The following GRIK4 variants were observed in gnomAD, a reference collection of about 807,000 sequenced individuals.
GRIK4 encodes glutamate ionotropic receptor kainate type subunit 4.
GRIK4 carries 40 observed loss-of-function variants against 104.9 expected under a neutral mutation model. That is an observed-to-expected ratio of 0.38 (90% CI 0.30 to 0.50). The LOEUF is 0.50. GRIK4 is among the 20% of genes least tolerant of loss of function. GRIK4 has a pLI of 0.93. For missense variants in GRIK4, 1,047 were observed against 1,308.1 expected, an observed-to-expected ratio of 0.80 and a Z score of 3.08; for synonymous variants, 485 against 524.9, an observed-to-expected ratio of 0.92 and a Z score of 1.04.
At chr11:120,871,733 T>C (rs1056513391) in intron 9 of GRIK4, 44 of 455,518 alleles carry the variant, frequency 9.7e-5, no homozygotes, top group Admixed American at 9.4e-4. Context: ...TGCCAGATGG[T>C]AGTGGCTGAA....
chr11:120,572,824 TC>T (rs1301055593), intron 1 of GRIK4, among the ~76,000 whole-genome samples: 1 of 152,130 alleles, frequency 6.6e-6, no homozygotes, highest in African/African-American at 2.4e-5. Context: ...TTTCCGCTGT[TC>T]CCTTCTTCTG....
chr11:120,851,380 CCT>C (rs1380807996), intron 8 of GRIK4, among the ~76,000 whole-genome samples: 1 of 152,200 alleles, frequency 6.6e-6, no homozygotes, highest in Non-Finnish European at 1.5e-5. Flanking sequence ...CTGGCTGACT[CCT>C]GCTCAGCTTT....
At chr11:120,844,295 C>T (rs905653537) in intron 8 of GRIK4, among the ~76,000 whole-genome samples, 9 of 152,182 alleles carry the variant, frequency 5.9e-5, no homozygotes, top group African/African-American at 1.9e-4. Flanking sequence ...TCCCCTGACA[C>T]CCCGCAAGGT....
chr11:120,607,967 C>T (rs11600894), intron 1 of GRIK4, among the ~76,000 whole-genome samples: 55,328 of 151,758 alleles, frequency 0.36, 10,245 homozygotes, highest in African/African-American at 0.39. Flanking sequence ...CAGTGGCTGC[C>T]GAGAGGAGTC....
At chr11:120,976,288 C>T (rs930563021) in intron 19 of GRIK4, among the ~76,000 whole-genome samples, 2 of 152,226 alleles carry the variant, frequency 1.3e-5, no homozygotes, top group East Asian at 3.8e-4. Context: ...CCTCTCCCAT[C>T]CCTCTTCTAG....
intron 1 of GRIK4, among the ~76,000 whole-genome samples, chr11:120,548,740 G>A (rs1157412009): frequency 6.6e-6 from 1 of 152,160 alleles, no homozygotes; most frequent in Admixed American, 6.5e-5. Context: ...ACATCTGTCT[G>A]TGGGGCTGCC....
intron 1 of GRIK4, among the ~76,000 whole-genome samples, chr11:120,651,740 C>T (rs77426501): frequency 2.2e-3 from 335 of 152,302 alleles, no homozygotes; most frequent in African/African-American, 7.7e-3. Context: ...CTGGGAGCAT[C>T]TCCTCATGGG....
At chr11:120,519,488 A>C (rs965935254) in intron 1 of GRIK4, among the ~76,000 whole-genome samples, 1 of 152,194 alleles carries the variant, frequency 6.6e-6, no homozygotes, top group African/African-American at 2.4e-5. Flanking sequence ...CTCACCCGAC[A>C]CTGAATCTGC....
chr11:120,945,012 A>G (rs1182589613), intron 14 of GRIK4, among the ~76,000 whole-genome samples: 3 of 151,470 alleles, frequency 2.0e-5, no homozygotes, highest in Non-Finnish European at 4.4e-5. Flanking sequence ...AAAAAAAAAG[A>G]CAAATGTAAT....
intron 11 of GRIK4, among the ~76,000 whole-genome samples, chr11:120,895,017 C>T (rs1490289905): frequency 2.0e-5 from 3 of 152,116 alleles, no homozygotes; most frequent in Non-Finnish European, 2.9e-5. Flanking sequence ...CATTTCCTGA[C>T]TGGAGCTTGG....
At chr11:120,534,862 C>T (rs1947957129) in intron 1 of GRIK4, among the ~76,000 whole-genome samples, 1 of 152,178 alleles carries the variant, frequency 6.6e-6, no homozygotes, top group African/African-American at 2.4e-5. Context: ...ATGGGGGACA[C>T]TCAGCAGGGA....
At chr11:120,983,570 T>C (rs1436935410) in intron 20 of GRIK4, among the ~76,000 whole-genome samples, 2 of 152,244 alleles carry the variant, frequency 1.3e-5, no homozygotes, top group Non-Finnish European at 2.9e-5. Context: ...TCCCCTCCTG[T>C]TGCTGTCTCC....
At chr11:120,974,146 G>T (rs1944522943) in intron 19 of GRIK4, among the ~76,000 whole-genome samples, 1 of 152,122 alleles carries the variant, frequency 6.6e-6, no homozygotes, top group African/African-American at 2.4e-5. Flanking sequence ...GACCTCAAGT[G>T]ATCTGCCCCC....
At chr11:120,855,499 A>G (rs993330937) in intron 8 of GRIK4, among the ~76,000 whole-genome samples, 5 of 151,836 alleles carry the variant, frequency 3.3e-5, no homozygotes, top group Non-Finnish European at 7.4e-5. Flanking sequence ...AAGATCTGGA[A>G]CTTCAACTAA....
chr11:120,585,725 G>T (rs200315569), intron 1 of GRIK4, among the ~76,000 whole-genome samples: 26 of 141,948 alleles, frequency 1.8e-4, no homozygotes, highest in Admixed American at 2.1e-4. Flanking sequence ...TTTTGTTTTT[G>T]TTTTTTTTTT....
chr11:120,681,220 G>A (rs1011562848), intron 3 of GRIK4, among the ~76,000 whole-genome samples: 1 of 152,302 alleles, frequency 6.6e-6, no homozygotes, highest in Non-Finnish European at 1.5e-5. Context: ...GAGGGCCTGG[G>A]GTAAGGGGCC....
intron 13 of GRIK4, among the ~76,000 whole-genome samples, chr11:120,923,743 C>A (rs1315346587): frequency 6.6e-6 from 1 of 152,120 alleles, no homozygotes; most frequent in Non-Finnish European, 1.5e-5. Flanking sequence ...CAGAATAAAC[C>A]CGTGAAGCGG....
At chr11:120,658,581 A>AAAATTTC (rs1949752918) in intron 2 of GRIK4, among the ~76,000 whole-genome samples, 1 of 152,116 alleles carries the variant, frequency 6.6e-6, no homozygotes. Flanking sequence ...ACAGTAGTTT[A>AAAATTTC]AAATTTCATT....
intron 19 of GRIK4, among the ~76,000 whole-genome samples, chr11:120,979,102 A>G (rs990372005): frequency 1.3e-5 from 2 of 152,226 alleles, no homozygotes; most frequent in Non-Finnish European, 2.9e-5. Flanking sequence ...TTGGAGCTTA[A>G]AAGCTTTTTG....
Sources: allele counts gnomAD v4.1 joint callset (sites outside exome capture counted in the v4.1 genomes callset), GRCh38; gene constraint gnomAD v4.1.1; transcripts MANE v1.5; gene names NCBI Gene and HGNC (gene_info 2026-07-23, HGNC 2026-07-21).